Variants in CDKL1 observed in about 807,000 individuals in gnomAD.
CDKL1 encodes cyclin-dependent kinase-like 1.
In CDKL1, 41 loss-of-function variants were observed where a neutral mutation model predicts 42.0. The observed-to-expected ratio is 0.98, with a 90% CI of 0.76 to 1.27. CDKL1 has a LOEUF of 1.27. Among genes scored for constraint, CDKL1 ranks in the 50% most tolerant of loss-of-function variants. The pLI, the probability that CDKL1 is intolerant of heterozygous loss-of-function variation, is 0.00. For missense variants in CDKL1, 394 were observed against 428.4 expected, an observed-to-expected ratio of 0.92 and a Z score of 0.71; for synonymous variants, 153 against 158.6, an observed-to-expected ratio of 0.96 and a Z score of 0.26.
At chr14:50,383,198 AT>A (rs1331968145) in intron 2 of CDKL1, among the ~76,000 whole-genome samples, 2 of 152,032 alleles carry the variant, frequency 1.3e-5, no homozygotes, top group African/African-American at 4.8e-5. Context: ...AAGTGCTGGA[AT>A]TACAGGTGTG....
intron 5 of CDKL1, among the ~76,000 whole-genome samples, 170 bp from the exon 6 acceptor site, chr14:50,341,402 C>G (rs965756427): frequency 5.7e-5 from 8 of 139,606 alleles, no homozygotes; most frequent in African/African-American, 2.1e-4. Flanking sequence ...TTGTAAATTA[C>G]TGATGCTCAA....
At chr14:50,336,125 G>C (rs1275312977) in intron 7 of CDKL1, 2 of 1,365,808 alleles carry the variant, frequency 1.5e-6, no homozygotes, top group Admixed American at 1.9e-5. Context: ...GAGGCCAACT[G>C]GTTGCCTGTG....
chr14:50,330,546 G>C (rs2032879552), intron 9 of CDKL1: 1 of 204,222 alleles, frequency 4.9e-6, no homozygotes. Context: ...GATAAACAGA[G>C]CACCTAGGCA....
chr14:50,349,556 G>A (rs1215120777), intron 3 of CDKL1, among the ~76,000 whole-genome samples: 3 of 152,172 alleles, frequency 2.0e-5, no homozygotes, highest in Non-Finnish European at 4.4e-5. Flanking sequence ...CATCCTGACA[G>A]GACAGTGTGA....
chr14:50,330,858 T>G (rs937947376), intron 9 of CDKL1: 1 of 152,262 alleles, frequency 6.6e-6, no homozygotes, highest in Non-Finnish European at 1.5e-5. Context: ...ACTTTTACTT[T>G]CTAGAAAAAA....
At chr14:50,340,456 T>C (rs915758181) in intron 6 of CDKL1, among the ~76,000 whole-genome samples, 2 of 149,564 alleles carry the variant, frequency 1.3e-5, no homozygotes, top group African/African-American at 2.6e-5. Context: ...ACTGATGGGT[T>C]TTTTTTTCTC....
upstream of CDKL1, chr14:50,397,017 G>T: frequency 8.5e-7 from 1 of 1,181,828 alleles, no homozygotes; most frequent in Non-Finnish European, 1.1e-6. Context: ...GCAGGGAAAG[G>T]CCTCGGAGGG....
upstream of CDKL1, chr14:50,397,273 T>C (rs1566618771): frequency 7.3e-7 from 1 of 1,366,462 alleles, no homozygotes; most frequent in South Asian, 1.1e-5. Flanking sequence ...GTGTCTGTGC[T>C]GATCAGTGCT....
At chr14:50,392,614 C>A (rs138003231) in intron 2 of CDKL1, among the ~76,000 whole-genome samples, 1 of 151,960 alleles carries the variant, frequency 6.6e-6, no homozygotes, top group Non-Finnish European at 1.5e-5. Flanking sequence ...ACCTTTAGTA[C>A]CTGTCCCTCC....
At chr14:50,353,025 C>T (rs993743384) in intron 3 of CDKL1, among the ~76,000 whole-genome samples, 2 of 152,194 alleles carry the variant, frequency 1.3e-5, no homozygotes, top group Admixed American at 6.5e-5. Flanking sequence ...GCATCCATCT[C>T]GACTTTAGGA....
chr14:50,390,688 T>C (rs751766878), intron 2 of CDKL1, among the ~76,000 whole-genome samples: 3 of 152,252 alleles, frequency 2.0e-5, no homozygotes, highest in Non-Finnish European at 4.4e-5. Flanking sequence ...TTGAACCACA[T>C]AGCCCTTTCC....
chr14:50,378,381 TACC>T (rs1337537785), intron 2 of CDKL1: 2 of 1,366,378 alleles, frequency 1.5e-6, no homozygotes, highest in Admixed American at 3.8e-5. Flanking sequence ...GCCTCATAGG[TACC>T]AGCAGCCGTC....
At chr14:50,396,963 G>A (rs2035430547), upstream of CDKL1, 8 of 661,216 alleles carry the variant, frequency 1.2e-5, no homozygotes, top group Middle Eastern at 6.7e-4. Context: ...CCGCGCCCCA[G>A]CTTCCCACCC....
chr14:50,395,853 T>C lies in CDKL1; in HGVS notation c.16A>G (p.Lys6Glu). 1 of 1,612,572 alleles carries C rather than the reference T, an allele frequency of 6.2e-7. No homozygotes were observed. Among genetic ancestry groups the C allele is most frequent in the Non-Finnish European group, 8.5e-7 (1 of 1,178,642 alleles). The change falls in exon 2 of 10, where the codon AAA becomes GAA. Residue 6 changes from lysine (K) to glutamate (E), a missense_variant. Coordinates refer to ENST00000395834, the MANE Select transcript of CDKL1 (RefSeq NM_004196.7). ...GATCCTTCTCCAATTTTCCCAATTT[T>C]TTCATACTTCTCCATCATAGAGGAA... MEKYE[K>E]IGKIGEGSYG...
At chr14:50,374,817 T>A (rs562275570) in intron 2 of CDKL1, among the ~76,000 whole-genome samples, 2 of 152,270 alleles carry the variant, frequency 1.3e-5, no homozygotes, top group East Asian at 3.9e-4. Context: ...AGTGCTTAGA[T>A]CTCGTTTTTT....
chr14:50,346,034 A>C (rs2033713097), intron 3 of CDKL1, among the ~76,000 whole-genome samples: 1 of 152,148 alleles, frequency 6.6e-6, no homozygotes, highest in African/African-American at 2.4e-5. Flanking sequence ...TACTGTTTTG[A>C]TAAACATTCC....
At chr14:50,367,642 TAGAC>T (rs1378104089) in intron 2 of CDKL1, among the ~76,000 whole-genome samples, 3 of 152,234 alleles carry the variant, frequency 2.0e-5, no homozygotes, top group Non-Finnish European at 2.9e-5. Context: ...GTAAACTTAA[TAGAC>T]AGAACAGGTT....
chr14:50,397,039 C>G, upstream of CDKL1: 1 of 1,291,222 alleles, frequency 7.7e-7, no homozygotes. Flanking sequence ...CGCCCTCCGT[C>G]CATGGGAGCT....
Position 50,340,741 on chromosome 14 carries a change from G to A in CDKL1, c.655+291C>T, listed in dbSNP as rs1471685802. ...TAAACTGCTAAGCCCTTACAGAAATGTGAGTTTTTATTGTTGTTATTGTCA... is the reference window on the plus strand; with the variant it reads ...TAAACTGCTAAGCCCTTACAGAAATATGAGTTTTTATTGTTGTTATTGTCA... On this transcript the variant is annotated intron_variant, in intron 6 of 9. Transcript: ENST00000395834. Among the ~76,000 whole-genome samples the A allele has an allele frequency of 2.0e-5, 3 of 152,230 alleles. No homozygotes were observed. The East Asian group carries it at 5.8e-4, about 29-fold the overall frequency.
Sources: gnomAD v4.1 joint callset for allele counts (sites outside exome capture counted in the v4.1 genomes callset) on GRCh38, gnomAD v4.1.1 for gene constraint, MANE v1.5 for transcripts, NCBI Gene and HGNC (gene_info 2026-07-23, HGNC 2026-07-21) for gene names.